EXD3: variants seen among roughly 807,000 people sequenced by gnomAD.
The protein encoded by EXD3 is exonuclease 3'-5' domain containing 3, also known as exonuclease mut-7 homolog.
In EXD3, 92 loss-of-function variants were observed where a neutral mutation model predicts 98.0. The observed-to-expected ratio is 0.94, with a 90% CI of 0.79 to 1.12. The LOEUF (loss-of-function observed/expected upper bound fraction) is 1.12. Among genes scored for constraint, EXD3 ranks in the 50% most tolerant of loss-of-function variants. EXD3 has a pLI of 0.00. For synonymous variants in EXD3, 569 were observed against 526.0 expected, an observed-to-expected ratio of 1.08 and a Z score of -1.12; for missense variants, 1,222 against 1,191.6, an observed-to-expected ratio of 1.03 and a Z score of -0.38.
At position 137,373,599 on chromosome 9, in the gene EXD3, GCTGTGGAGACACAAAACCACA is replaced by G; in HGVS notation, c.121-21_121-1del. On this transcript the variant is annotated splice_acceptor_variant and splice_polypyrimidine_tract_variant and intron_variant, in intron 3 of 21. Coordinates refer to ENST00000340951, the MANE Select transcript of EXD3 (RefSeq NM_017820.5). LOFTEE classifies it high-confidence loss of function. ...AACCCCCGCCAGGCTTCCTCCCGGA[GCTGTGGAGACACAAAACCACA>G]CTGGCACTTTGTCTTGCACTCAAAG... is the stretch of plus-strand genomic sequence containing the variant. 1.9e-6 allele frequency: 3 copies of G among 1,596,682 alleles called. No homozygotes were observed. Among genetic ancestry groups the G allele is most frequent in the Non-Finnish European group, 2.6e-6 (3 of 1,172,132 alleles).
intron 17 of EXD3, among the ~76,000 whole-genome samples, chr9:137,341,020 A>G (rs1324870704): frequency 6.6e-6 from 1 of 152,238 alleles, no homozygotes; most frequent in Non-Finnish European, 1.5e-5. Flanking sequence ...GGCATCACGT[A>G]AAACTCAAGG....
chr9:137,417,610 T>TGC (rs1838298228), intron 1 of EXD3, among the ~76,000 whole-genome samples: 1 of 152,126 alleles, frequency 6.6e-6, no homozygotes, highest in South Asian at 2.1e-4. Flanking sequence ...CCAGCCGCGC[T>TGC]GCGCGTGGCG....
intron 19 of EXD3, among the ~76,000 whole-genome samples, chr9:137,318,389 G>T (rs1460237991): frequency 6.6e-6 from 1 of 152,116 alleles, no homozygotes; most frequent in South Asian, 2.1e-4. Flanking sequence ...GGTCACCACA[G>T]CCTCCTGGGA....
At chr9:137,323,892 C>A in intron 18 of EXD3, 36 bp from the exon 19 acceptor site, 4 of 1,577,788 alleles carry the variant, frequency 2.5e-6, no homozygotes, top group Non-Finnish European at 3.4e-6. Flanking sequence ...AGGGGCAGTG[C>A]AGAGCCCAGC....
chr9:137,402,075 G>C (rs1837501405), intron 1 of EXD3, among the ~76,000 whole-genome samples: 1 of 152,156 alleles, frequency 6.6e-6, no homozygotes, highest in Non-Finnish European at 1.5e-5. Context: ...GAGTGCAGTG[G>C]TGTGATCTCG....
intron 1 of EXD3, among the ~76,000 whole-genome samples, chr9:137,416,947 G>A (rs1490969072): frequency 6.6e-6 from 1 of 152,200 alleles, no homozygotes; most frequent in Non-Finnish European, 1.5e-5. Flanking sequence ...ACACCTCCCC[G>A]TTTCCCGACA....
chr9:137,382,931 C>A (rs28665555), intron 3 of EXD3, among the ~76,000 whole-genome samples: 343 of 152,300 alleles, frequency 2.3e-3, no homozygotes, highest in Admixed American at 3.1e-3. Flanking sequence ...CTTCCTAAGG[C>A]CTCCCTGTCC....
At chr9:137,383,438 C>A in intron 2 of EXD3, 61 bp from the exon 3 acceptor site, 1 of 1,330,238 alleles carries the variant, frequency 7.5e-7, no homozygotes, top group Non-Finnish European at 1.0e-6. Flanking sequence ...ATCGCACAGC[C>A]CGCCGGGAAG....
At chr9:137,317,787 C>T (rs1416203712) in intron 19 of EXD3, among the ~76,000 whole-genome samples, 1 of 152,140 alleles carries the variant, frequency 6.6e-6, no homozygotes, top group Non-Finnish European at 1.5e-5. Context: ...CGTGCTAGGC[C>T]CACCCGCTGC....
At position 137,307,268 on chromosome 9, in the gene EXD3, A is replaced by T. The variant is rs1254735590; in HGVS notation, c.2318-5T>A. On this transcript the variant is annotated splice_polypyrimidine_tract_variant and splice_region_variant and intron_variant, in intron 21 of 21. Transcript: ENST00000340951. Reference sequence around the variant, plus strand: ...GGGCTGCGTCTGGGGCTGGGCCTGGACAGATAGAAGTGGACTCCCTGAGCC... The same window carrying T: ...GGGCTGCGTCTGGGGCTGGGCCTGGTCAGATAGAAGTGGACTCCCTGAGCC... 2 of 1,504,860 alleles carry T rather than the reference A, an allele frequency of 1.3e-6. No homozygotes were observed. Among genetic ancestry groups the T allele is most frequent in the African/African-American group, 1.4e-5 (1 of 71,974 alleles). The allele number at this position is 1,504,860 out of a possible 1,614,324, so 93.2% of individuals were successfully genotyped here. A position where few individuals can be genotyped will look rare whatever the true frequency, so the allele number is the denominator to read the frequency against.
intron 8 of EXD3, among the ~76,000 whole-genome samples, chr9:137,355,209 G>C (rs531872445): frequency 1.8e-4 from 28 of 152,220 alleles, no homozygotes; most frequent in East Asian, 9.7e-4. Flanking sequence ...CCCTCCGTCA[G>C]CCTCACCTCC....
At position 137,349,838 on chromosome 9, in the gene EXD3, C is replaced by T. The variant is rs925203288; in HGVS notation, c.1495-307G>A. The stretch of plus-strand genomic sequence containing the variant: ...GCCCTGAGTCTGTGTGGCCAGCTCT[C>T]TGTCTCTGTTTTATCTTCAGAAGAG... On this transcript the variant is annotated intron_variant, in intron 14 of 21. Transcript: ENST00000340951. The surrounding 1 kb of genome is among the most constrained non-coding windows in gnomAD (Gnocchi z 7.4). Among the ~76,000 whole-genome samples the T allele has an allele frequency of 6.6e-6, 1 of 152,142 alleles. No homozygotes were observed. Among genetic ancestry groups the T allele is most frequent in the Non-Finnish European group, 1.5e-5 (1 of 68,012 alleles).
chr9:137,344,771 A>G (rs1315289814), intron 17 of EXD3, among the ~76,000 whole-genome samples: 1 of 150,010 alleles, frequency 6.7e-6, no homozygotes, highest in African/African-American at 2.5e-5. Flanking sequence ...GCCAGGCTGC[A>G]CCTTCCACTG....
At chr9:137,308,280 G>C (rs1269156583) in intron 20 of EXD3, among the ~76,000 whole-genome samples, 7 of 152,136 alleles carry the variant, frequency 4.6e-5, no homozygotes, top group Non-Finnish European at 7.4e-5. Flanking sequence ...CAAGCATTTC[G>C]CTACAGATGG....
Position 137,385,710 on chromosome 9 carries a change from T to A in EXD3, c.56-2333A>T, listed in dbSNP as rs111388615. Among the ~76,000 whole-genome samples, 3,538 of 152,128 alleles carry A rather than the reference T, an allele frequency of 0.023. 128 individuals carry two copies. The highest frequency in any genetic ancestry group is 0.08 in the African/African-American group (3,335 of 41,502). ...CGCTACGCCTGGCTAATTTTTGTAT[T>A]TTTAGTAGAGACGGGTTTTCACCAT... On this transcript the variant is annotated intron_variant, in intron 2 of 21. Coordinates refer to ENST00000340951, the MANE Select transcript of EXD3 (RefSeq NM_017820.5). The surrounding 1 kb of genome is among the most constrained non-coding windows in gnomAD (Gnocchi z 4.4).
At chr9:137,365,831 T>C (rs1439703518) in intron 7 of EXD3, 4 of 336,638 alleles carry the variant, frequency 1.2e-5, no homozygotes, top group Admixed American at 8.3e-5. Context: ...CACGCAGACA[T>C]ACACACCTGC....
chr9:137,354,729 G>A lies in EXD3; in HGVS notation c.802C>T (p.Arg268Trp), dbSNP rs779698368. The stretch of plus-strand genomic sequence containing the variant: ...ACAAACCGCTTGTGGCACAGGTGCC[G>A]CAGGGCCGCCAGGCGCTGCTGAATG... ...AAIQQRLAAL[R>W]HLCHKRFVEK... is the part of the protein sequence containing the mutation. Residue 268 changes from arginine to tryptophan, a missense_variant, in exon 9 of 22, where the codon CGG (arginine) becomes TGG (tryptophan). Physicochemically the swap from Arg to Trp is moderately radical, Grantham distance 101. Transcript: ENST00000340951. 78 of 1,610,696 alleles carry A rather than the reference G, an allele frequency of 4.8e-5. 1 individual carries two copies. Among genetic ancestry groups the A allele is most frequent in the South Asian group, 2.5e-4 (23 of 91,072 alleles).
intron 5 of EXD3, 30 bp from the exon 6 acceptor site, chr9:137,368,019 A>G (rs1371092706): frequency 3.1e-6 from 5 of 1,591,208 alleles, no homozygotes; most frequent in Non-Finnish European, 4.3e-6. Context: ...CAGATTACTC[A>G]GGGCCTGGGA....
chr9:137,413,224 G>A lies in EXD3; in HGVS notation c.-48+9890C>T, dbSNP rs929444729. On this transcript the variant is annotated intron_variant, in intron 1 of 21. Transcript: ENST00000340951. Reference sequence around the variant, plus strand: ...ACTCCAGAACTTTTTTTTTTGAGACGGAGTCTCACTCCGTCGCCCAGGCTG... The same window carrying A: ...ACTCCAGAACTTTTTTTTTTGAGACAGAGTCTCACTCCGTCGCCCAGGCTG... 5.3e-5 allele frequency among the ~76,000 whole-genome samples: 8 copies of A among 150,770 alleles called. 1 individual carries two copies. The highest frequency in any genetic ancestry group is 1.0e-4 in the Non-Finnish European group (7 of 67,640).
Sources: gnomAD v4.1 joint callset for allele counts (sites outside exome capture counted in the v4.1 genomes callset) on GRCh38, gnomAD v4.1.1 for gene constraint, Gnocchi (gnomAD v3.1) non-coding constraint, MANE v1.5 for transcripts, NCBI Gene and HGNC (gene_info 2026-07-23, HGNC 2026-07-21) for gene names.